The following EYS variants were observed in gnomAD, a reference collection of about 807,000 sequenced individuals.
EYS encodes protein eyes shut homolog.
In EYS, 250 loss-of-function variants were observed where a neutral mutation model predicts 282.1. The ratio of observed to expected loss-of-function variants is 0.89; its 90% CI spans 0.80 to 0.98. The LOEUF (loss-of-function observed/expected upper bound fraction) is 0.98. Ranked by LOEUF, EYS falls within the 50% of genes least tolerant of loss-of-function variation. The probability of loss-of-function intolerance (pLI) is 0.00; values close to 1 mark genes in which losing one functional copy is unlikely to be tolerated. For synonymous variants in EYS, 1,355 were observed against 1,282.9 expected (o/e 1.06, Z -1.20); for missense variants, 4,016 against 3,709.0 (o/e 1.08, Z -2.15).
chr6:63,795,075 A>G (rs1770610483), intron 37 of EYS, among the ~76,000 whole-genome samples: 1 of 152,088 alleles, frequency 6.6e-6, no homozygotes, highest in Admixed American at 6.6e-5. Context: ...AATGCACAGG[A>G]AAAAAAACTG....
At chr6:64,413,515 A>C (rs1170106372) in intron 28 of EYS, among the ~76,000 whole-genome samples, 1 of 127,082 alleles carries the variant, frequency 7.9e-6, no homozygotes, top group Non-Finnish European at 1.7e-5. Context: ...ACAGAAGGCT[A>C]TTCTTGTCCA....
chr6:65,181,644 G>C (rs1765387544), intron 12 of EYS, among the ~76,000 whole-genome samples: 1 of 152,164 alleles, frequency 6.6e-6, no homozygotes, highest in Non-Finnish European at 1.5e-5. Context: ...GTGGAAATCA[G>C]TGTGGCGATT....
intron 32 of EYS, among the ~76,000 whole-genome samples, chr6:64,079,457 G>A (rs985721312): frequency 2.6e-5 from 4 of 152,050 alleles, no homozygotes; most frequent in African/African-American, 9.7e-5. Context: ...TATGTATTTT[G>A]TTTAGAAAGT....
At chr6:63,915,910 C>T (rs749558243) in intron 35 of EYS, among the ~76,000 whole-genome samples, 5 of 152,154 alleles carry the variant, frequency 3.3e-5, no homozygotes, top group Non-Finnish European at 5.9e-5. Context: ...ATGTTGGTCC[C>T]TTGAGATGGA....
chr6:63,942,481 A>C (rs1387337318), intron 35 of EYS, among the ~76,000 whole-genome samples: 1 of 152,198 alleles, frequency 6.6e-6, no homozygotes, highest in Non-Finnish European at 1.5e-5. Flanking sequence ...AATTAATGGA[A>C]GACAACTTGG....
At chr6:65,261,292 AAT>A in intron 12 of EYS, among the ~76,000 whole-genome samples, 1 of 151,870 alleles carries the variant, frequency 6.6e-6, no homozygotes, top group Middle Eastern at 3.4e-3. Flanking sequence ...CATTCACATG[AAT>A]ATATATATAC....
At chr6:65,561,640 T>C (rs1769063196) in intron 2 of EYS, among the ~76,000 whole-genome samples, 1 of 152,144 alleles carries the variant, frequency 6.6e-6, no homozygotes, top group African/African-American at 2.4e-5. Flanking sequence ...ACATGTACAA[T>C]GTTTTAGAAA....
intron 14 of EYS, among the ~76,000 whole-genome samples, chr6:64,969,758 C>T (rs1770223843): frequency 6.6e-6 from 1 of 152,120 alleles, no homozygotes; most frequent in South Asian, 2.1e-4. Flanking sequence ...CAAAGTCTTC[C>T]TTCACACAGA....
At chr6:63,858,665 C>A (rs1306653999) in intron 36 of EYS, among the ~76,000 whole-genome samples, 1 of 152,060 alleles carries the variant, frequency 6.6e-6, no homozygotes, top group Non-Finnish European at 1.5e-5. Context: ...TTAGGCTTGA[C>A]CTTTTAGTAT....
At chr6:64,378,666 G>T (rs940048722) in intron 29 of EYS, among the ~76,000 whole-genome samples, 1 of 152,100 alleles carries the variant, frequency 6.6e-6, no homozygotes, top group East Asian at 1.9e-4. Context: ...TCTCTATTTT[G>T]CAGGTAAAGA....
In EYS at chr6:63,781,122, A is replaced by G. The variant is rs1376131096; in HGVS notation, c.7724-2942T>C. ...CATTGGTCTATATCTCTGTTTTGGT[A>G]GCAGTACCATGCTGTTTTGGTTACT... On this transcript the variant is annotated intron_variant, in intron 39 of 42. Transcript: ENST00000503581. Among the ~76,000 whole-genome samples the G allele has an allele frequency of 2.6e-5, 4 of 152,332 alleles. No homozygotes were observed. The South Asian group carries it at 8.3e-4, about 32-fold the overall frequency.
intron 15 of EYS, among the ~76,000 whole-genome samples, chr6:64,920,589 G>T (rs1476287977): frequency 6.6e-6 from 1 of 151,962 alleles, no homozygotes; most frequent in Non-Finnish European, 1.5e-5. Context: ...ATTCATAGTT[G>T]CATCTTTTTC....
chr6:65,613,503 G>C (rs1382313262), intron 2 of EYS, among the ~76,000 whole-genome samples: 1 of 151,754 alleles, frequency 6.6e-6, no homozygotes, highest in Non-Finnish European at 1.5e-5. Context: ...AAGTGGAAAA[G>C]AAAGAAAGAA....
chr6:65,489,810 G>T (rs1258888842), intron 5 of EYS: 1 of 152,102 alleles, frequency 6.6e-6, no homozygotes, highest in Admixed American at 6.6e-5. Context: ...AAAAAAGGAT[G>T]ATTTCATGTC....
chr6:65,078,358 C>A (rs1325429905), intron 12 of EYS, among the ~76,000 whole-genome samples: 1 of 152,002 alleles, frequency 6.6e-6, no homozygotes, highest in Non-Finnish European at 1.5e-5. Flanking sequence ...TTTTCTTAAT[C>A]TATGCCCTGC....
chr6:65,644,409 G>T (rs887282091), intron 1 of EYS, among the ~76,000 whole-genome samples: 1 of 152,158 alleles, frequency 6.6e-6, no homozygotes, highest in Non-Finnish European at 1.5e-5. Flanking sequence ...CAAAAAGTTT[G>T]GGACTATGTT....
intron 2 of EYS, among the ~76,000 whole-genome samples, chr6:65,528,765 C>T (rs1767660785): frequency 6.6e-6 from 1 of 152,098 alleles, no homozygotes; most frequent in Non-Finnish European, 1.5e-5. Flanking sequence ...AATTTATTTA[C>T]ATATAAAGTA....
intron 22 of EYS, among the ~76,000 whole-genome samples, chr6:64,779,221 C>T (rs1050830497): frequency 1.3e-5 from 2 of 151,994 alleles, no homozygotes; most frequent in Non-Finnish European, 2.9e-5. Context: ...TTTCTAATTG[C>T]CAAAACTTGG....
chr6:65,367,274 T>C (rs1284332981), intron 8 of EYS, among the ~76,000 whole-genome samples: 1 of 151,652 alleles, frequency 6.6e-6, no homozygotes, highest in African/African-American at 2.4e-5. Context: ...ATAAGCATCT[T>C]GGTAGAAGAG....
Sources: allele counts gnomAD v4.1 joint callset (sites outside exome capture counted in the v4.1 genomes callset), GRCh38; gene constraint gnomAD v4.1.1; transcripts MANE v1.5; gene names NCBI Gene and HGNC (gene_info 2026-07-23, HGNC 2026-07-21).